Variants in SHANK1 observed in about 807,000 individuals in gnomAD.
SHANK1 encodes SH3 and multiple ankyrin repeat domains protein 1.
Under a neutral mutation model 165.6 loss-of-function variants are expected in SHANK1, and 35 were observed. The observed-to-expected ratio is 0.21, with a 90% CI of 0.16 to 0.28. The LOEUF is 0.28. Among genes scored for constraint, SHANK1 ranks in the 10% least tolerant of loss-of-function variants. The pLI is 1.00. For missense variants in SHANK1, 2,681 were observed against 3,036.4 expected, an observed-to-expected ratio of 0.88 and a Z score of 2.75; for synonymous variants, 1,428 against 1,384.8, an observed-to-expected ratio of 1.03 and a Z score of -0.69.
intron 15 of SHANK1, 39 bp from the exon 16 acceptor site, chr19:50,689,318 G>C (rs1986466424): frequency 3.6e-6 from 5 of 1,396,578 alleles, no homozygotes; most frequent in Non-Finnish European, 5.1e-6. Context: ...GTGGTGGGGG[G>C]AGTGGAGAAG....
intron 15 of SHANK1, among the ~76,000 whole-genome samples, chr19:50,691,276 T>C (rs1490050251): frequency 6.6e-6 from 1 of 152,164 alleles, no homozygotes; most frequent in Non-Finnish European, 1.5e-5. Flanking sequence ...CAGAGCTGCC[T>C]GTTTCTAACC....
intron 12 of SHANK1, 83 bp from the exon 13 acceptor site, chr19:50,698,039 C>T: frequency 2.1e-6 from 2 of 968,572 alleles, no homozygotes; most frequent in Non-Finnish European, 1.6e-6. Flanking sequence ...TTAGAGCATT[C>T]CCACAGTTAC....
chr19:50,663,556 A>C (rs1013925442), intron 23 of SHANK1, among the ~76,000 whole-genome samples: 3 of 151,830 alleles, frequency 2.0e-5, no homozygotes, highest in Non-Finnish European at 4.4e-5. Context: ...TATTTTGTTT[A>C]CTGCCCCGCC....
At position 50,687,099 on chromosome 19, in the gene SHANK1, G is replaced by A. The variant is rs979198288; in HGVS notation, c.2390-287C>T. Reference sequence around the variant, plus strand: ...AGTTAGGACGTCAGGGGAAGGTGAGGGGCCCCCTGTCTGGAAGCCCGCCTC... The same window carrying A: ...AGTTAGGACGTCAGGGGAAGGTGAGAGGCCCCCTGTCTGGAAGCCCGCCTC... On this transcript the variant is annotated intron_variant, in intron 19 of 23. Transcript: ENST00000293441. The A allele has an allele frequency of 2.7e-4, 341 of 1,278,918 alleles. 2 individuals carry two copies. Among genetic ancestry groups the A allele is most frequent in the Non-Finnish European group, 2.1e-4 (201 of 974,712 alleles). The allele number at this position is 1,278,918 out of a possible 1,614,324, so 79.2% of individuals were successfully genotyped here.
At chr19:50,695,803 C>G (rs1185532692) in intron 15 of SHANK1, among the ~76,000 whole-genome samples, 4 of 152,234 alleles carry the variant, frequency 2.6e-5, no homozygotes, top group East Asian at 3.9e-4. Context: ...ACCCCTCCCC[C>G]ACCAGAGAAG....
rs765355410 is a variant in SHANK1 at position 50,687,990 on chromosome 19, G to A, written c.2241C>T (p.Asn747=). The A allele has an allele frequency of 2.5e-6, 4 of 1,613,992 alleles. No homozygotes were observed. In the East Asian group the frequency reaches 8.9e-5, roughly 36 times the overall value. ...QVVNMIRQGG[N]TLMVKVVMVT... is the part of the protein sequence containing the mutation. ...CCATCACCACCTTCACCATCAGCGT[G>A]TTGCCCCCTTGGCGGATCATGTTCA... The change falls in exon 18 of 24, where the codon AAC becomes AAT. Residue 747 remains asparagine, a synonymous_variant. Coordinates refer to ENST00000293441, the MANE Select transcript of SHANK1 (RefSeq NM_016148.5).
At chr19:50,711,908 TC>T in intron 7 of SHANK1, 38 bp downstream of exon 7, 1 of 1,610,906 alleles carries the variant, frequency 6.2e-7, no homozygotes, top group Non-Finnish European at 8.5e-7. Flanking sequence ...AGGGACTGGG[TC>T]CCCCACCCCA....
intron 8 of SHANK1, among the ~76,000 whole-genome samples, chr19:50,707,564 C>CTT (rs11291754): frequency 7.0e-6 from 1 of 142,254 alleles, no homozygotes; most frequent in Non-Finnish European, 1.5e-5. Context: ...CTTCTTCTTC[C>CTT]TTTTTTTTTT....
chr19:50,696,361 G>A (rs186120159), intron 15 of SHANK1, among the ~76,000 whole-genome samples: 4 of 152,104 alleles, frequency 2.6e-5, no homozygotes, highest in South Asian at 2.1e-4. Flanking sequence ...CACTCGGGGC[G>A]CAGGGTGGCA....
At position 50,662,197 on chromosome 19, in the gene SHANK1, G is replaced by A. The variant is rs924451909; in HGVS notation, c.6254C>T (p.Pro2085Leu). The A allele has an allele frequency of 5.0e-6, 8 of 1,609,784 alleles. No homozygotes were observed. In the African/African-American group the frequency reaches 5.3e-5, roughly 11 times the overall value. Residue 2085 changes from proline (P) to leucine (L), a missense_variant, in exon 24 of 24, where the codon CCC becomes CTC. Physicochemically the swap from Pro to Leu is moderately conservative, Grantham distance 98 (BLOSUM62 -3). Coordinates refer to ENST00000293441, the MANE Select transcript of SHANK1 (RefSeq NM_016148.5). This position sits in a 1 kb window ranked among gnomAD's most constrained non-coding sequence, Gnocchi z 7.7. The stretch of plus-strand genomic sequence containing the variant: ...TTTAGCGCCAAACGGCTTGTCCGGG[G>A]GCAGCGAGAGCAGGCGGGTCGGTGA... ...SLSPTRLLSLPPDKPFGAKPL... is the reference protein window; with the variant it reads ...SLSPTRLLSLLPDKPFGAKPL...
rs979654596 is a variant in SHANK1, at chr19:50,666,749, A to G, written c.5211T>C (p.Phe1737=). ...GCGGGCCGGGAGTACTGCTGCCCCCAAAGGCCTGGCCGTCCAGGTAGGCCA... is the reference window on the plus strand; with the variant it reads ...GCGGGCCGGGAGTACTGCTGCCCCCGAAGGCCTGGCCGTCCAGGTAGGCCA... ...TYVAYLDGQA[F]GGSSTPGPPY... Residue 1737 remains phenylalanine, a synonymous_variant, in exon 23 of 24, where the codon TTT becomes TTC. Coordinates refer to ENST00000293441, the MANE Select transcript of SHANK1 (RefSeq NM_016148.5). 6.4e-7 allele frequency: 1 copy of G among 1,560,594 alleles called. No homozygotes were observed. Among genetic ancestry groups the G allele is most frequent in the Non-Finnish European group, 8.7e-7 (1 of 1,154,102 alleles).
intron 21 of SHANK1, among the ~76,000 whole-genome samples, chr19:50,678,568 T>G (rs1986053465): frequency 1.2e-4 from 16 of 129,340 alleles, no homozygotes; most frequent in South Asian, 2.6e-4. Context: ...GGGGGAGAGG[T>G]CAGGATGACA....
At chr19:50,695,994 A>C (rs2080862963) in intron 15 of SHANK1, among the ~76,000 whole-genome samples, 1 of 152,200 alleles carries the variant, frequency 6.6e-6, no homozygotes, top group Non-Finnish European at 1.5e-5. Context: ...AGGCCAGGCC[A>C]GCGCAGACAG....
At chr19:50,680,687 A>C in intron 21 of SHANK1, among the ~76,000 whole-genome samples, 4 of 139,284 alleles carry the variant, frequency 2.9e-5, no homozygotes, top group African/African-American at 1.1e-4. Context: ...ACAGAATCGC[A>C]CCCTGTCACC....
chr19:50,692,002 G>A (rs1464608609), intron 15 of SHANK1, among the ~76,000 whole-genome samples: 1 of 152,054 alleles, frequency 6.6e-6, no homozygotes, highest in African/African-American at 2.4e-5. Context: ...CACTTTATAG[G>A]TGAGGAAACA....
Position 50,668,362 on chromosome 19 carries a change from G to A in SHANK1, c.3598C>T (p.Pro1200Ser), listed in dbSNP as rs772541699. 1 of 1,264,110 alleles carries A rather than the reference G, an allele frequency of 7.9e-7. No individual in the cohort carries two copies. Among genetic ancestry groups the A allele is most frequent in the South Asian group, 3.3e-5 (1 of 30,382 alleles). The allele number at this position is 1,264,110 out of a possible 1,614,324, so 78.3% of individuals were successfully genotyped here. Residue 1200 changes from proline (P) to serine (S), a missense_variant, in exon 23 of 24, where the codon CCC (proline) becomes TCC (serine). By Grantham distance (74) the Pro-to-Ser change is moderately conservative. Around this residue, in one of 10 missense-constraint regions of SHANK1, gnomAD observed 1,713 missense variants for 1,630.2 expected, o/e 1.05. Transcript: ENST00000293441. ...GGGGGGSSPSPAPAMSPVPPS... is the reference protein window; with the variant it reads ...GGGGGGSSPSSAPAMSPVPPS... ...GGCACGGGTGACATGGCCGGGGCGG[G>A]GCTGGGCGAGGAGCCGCCGCCGCCG...
chr19:50,663,438 G>A (rs897363753), intron 23 of SHANK1, among the ~76,000 whole-genome samples: 54 of 152,130 alleles, frequency 3.5e-4, no homozygotes, highest in African/African-American at 1.3e-3. Flanking sequence ...CTTGCCCTGG[G>A]CAGCTGCTCC....
At chr19:50,711,610 C>T (rs1480404918) in intron 7 of SHANK1, 123 bp from the exon 8 acceptor site, 2 of 737,436 alleles carry the variant, frequency 2.7e-6, no homozygotes, top group African/African-American at 3.5e-5. Context: ...TCCACCTCCC[C>T]ATCACCTTTT....
intron 8 of SHANK1, 146 bp from the exon 9 acceptor site, chr19:50,704,660 G>T (rs909876653): frequency 2.8e-6 from 2 of 714,056 alleles, no homozygotes; most frequent in Admixed American, 4.9e-5. Context: ...CCACCTGCCA[G>T]GTACGGACCA....
Sources: gnomAD v4.1 joint callset for allele counts (sites outside exome capture counted in the v4.1 genomes callset) on GRCh38, gnomAD v4.1.1 for gene constraint, gnomAD v4.1.1 regional missense constraint, Gnocchi (gnomAD v3.1) non-coding constraint, MANE v1.5 for transcripts, NCBI Gene and HGNC (gene_info 2026-07-23, HGNC 2026-07-21) for gene names.